The following POU6F2 variants were observed in gnomAD, a reference collection of about 807,000 sequenced individuals.
The protein encoded by POU6F2 is POU class 6 homeobox 2.
Under a neutral mutation model 71.3 loss-of-function variants are expected in POU6F2, and 31 were observed. The observed-to-expected ratio is 0.43, with a 90% confidence interval of 0.33 to 0.59. POU6F2 has a LOEUF of 0.59. POU6F2 is among the 20% of genes least tolerant of loss of function. The pLI is 0.04. For missense variants in POU6F2, 783 were observed against 856.8 expected (o/e 0.91, Z 1.07); for synonymous variants, 347 against 355.7 (o/e 0.98, Z 0.27).
rs1272970794 is a variant in POU6F2, at chr7:38,987,338, C to CT, written c.105+9283dup. 2.0e-5 allele frequency among the ~76,000 whole-genome samples: 3 copies of CT among 152,064 alleles called. No homozygotes were observed. In the East Asian group the frequency reaches 5.8e-4, roughly 29 times the overall value. ...GTCAGACACACTGTGACTTGAAAAC[C>CT]TTTATGTTTGCTCCAAGCCACCAAA... On this transcript the variant is annotated intron_variant, in intron 1 of 9. Transcript: ENST00000518318.
chr7:39,227,532 T>C (rs2128749412), intron 4 of POU6F2, among the ~76,000 whole-genome samples: 1 of 150,030 alleles, frequency 6.7e-6, no homozygotes, highest in Non-Finnish European at 1.5e-5. Context: ...GAATCTGAGG[T>C]ACCTCGTGAC....
chr7:39,436,974 G>T (rs540067174), intron 7 of POU6F2, among the ~76,000 whole-genome samples: 13 of 152,192 alleles, frequency 8.5e-5, no homozygotes, highest in Non-Finnish European at 1.6e-4. Context: ...GGATGAAGCC[G>T]ACTTGATCGT....
intron 5 of POU6F2, among the ~76,000 whole-genome samples, chr7:39,369,522 A>G (rs537830917): frequency 5.6e-4 from 85 of 151,764 alleles, no homozygotes; most frequent in Admixed American, 2.4e-3. Context: ...AACCATGCCC[A>G]GCTAATTTTT....
At chr7:39,417,539 C>G (rs530332181) in intron 6 of POU6F2, among the ~76,000 whole-genome samples, 9 of 152,122 alleles carry the variant, frequency 5.9e-5, no homozygotes, top group Non-Finnish European at 1.2e-4. Context: ...AAGATGTCAT[C>G]AGGTGGAGGG....
In POU6F2 at chr7:39,015,828, T is replaced by C. The variant is rs868616453; in HGVS notation, c.105+37770T>C. On this transcript the variant is annotated intron_variant, in intron 1 of 9. Coordinates refer to ENST00000518318, the MANE Select transcript of POU6F2 (RefSeq NM_001370959.1). ...ATATTATATAGGTATATATTATATA[T>C]AGATATATAATATATTATATATAGA... Among the ~76,000 whole-genome samples, 3 of 62,186 alleles carry C rather than the reference T, an allele frequency of 4.8e-5. 1 individual carries two copies. The highest frequency in any genetic ancestry group is 9.1e-5 in the Non-Finnish European group (3 of 33,036). The allele number at this position is 62,186 out of a possible 152,430, so 40.8% of individuals were successfully genotyped here.
intron 4 of POU6F2, among the ~76,000 whole-genome samples, chr7:39,302,638 AT>A (rs1292727821): frequency 1.3e-5 from 2 of 152,232 alleles, no homozygotes; most frequent in Non-Finnish European, 2.9e-5. Flanking sequence ...CAATAAGTAC[AT>A]TTGTCTTGAC....
chr7:39,039,508 C>G (rs1472338085), intron 1 of POU6F2, among the ~76,000 whole-genome samples: 1 of 151,818 alleles, frequency 6.6e-6, no homozygotes, highest in Admixed American at 6.6e-5. Context: ...TTTCTTTACT[C>G]TCTCACTATA....
intron 7 of POU6F2, among the ~76,000 whole-genome samples, chr7:39,434,124 T>C (rs1015165611): frequency 6.6e-6 from 1 of 152,078 alleles, no homozygotes; most frequent in African/African-American, 2.4e-5. Flanking sequence ...CCAGAGATAA[T>C]GGCTTGGGAA....
rs188801014 is a variant in POU6F2, at chr7:39,143,092, C to G, written c.277+57061C>G. ...TTTTTTCTGAAGAAAATCTCAAGAT[C>G]AGAAGTAGCTGTGGCATAGAGAAGT... On this transcript the variant is annotated intron_variant, in intron 2 of 9. Coordinates refer to ENST00000518318, the MANE Select transcript of POU6F2 (RefSeq NM_001370959.1). 4.7e-3 allele frequency among the ~76,000 whole-genome samples: 713 copies of G among 152,256 alleles called. 8 individuals carry two copies. Among genetic ancestry groups the G allele is most frequent in the Non-Finnish European group, 8.2e-3 (555 of 68,024 alleles).
At chr7:39,117,242 G>A (rs1187909310) in intron 2 of POU6F2, among the ~76,000 whole-genome samples, 3 of 152,118 alleles carry the variant, frequency 2.0e-5, no homozygotes, top group Admixed American at 6.5e-5. Context: ...TTGGGGTGTC[G>A]AGCAAGGGAA....
intron 5 of POU6F2, among the ~76,000 whole-genome samples, chr7:39,348,390 C>T (rs1786070506): frequency 6.6e-6 from 1 of 152,242 alleles, no homozygotes; most frequent in South Asian, 2.1e-4. Context: ...GCATTGGCCT[C>T]ATGAGTTCAC....
chr7:39,424,707 G>A (rs555034272), intron 6 of POU6F2, among the ~76,000 whole-genome samples: 2 of 151,770 alleles, frequency 1.3e-5, no homozygotes, highest in African/African-American at 4.8e-5. Flanking sequence ...CCTAAAGCTC[G>A]AGTGGAAACC....
At chr7:39,109,996 C>T (rs1393893324) in intron 2 of POU6F2, among the ~76,000 whole-genome samples, 4 of 152,116 alleles carry the variant, frequency 2.6e-5, no homozygotes, top group South Asian at 2.1e-4. Flanking sequence ...ATTGGCTGGG[C>T]GCGGAGGCTC....
chr7:39,078,656 C>T (rs778718676), intron 1 of POU6F2, among the ~76,000 whole-genome samples: 3 of 152,152 alleles, frequency 2.0e-5, no homozygotes, highest in Non-Finnish European at 4.4e-5. Context: ...GCGGAGCTCA[C>T]GGGTCAGCAA....
intron 8 of POU6F2, among the ~76,000 whole-genome samples, chr7:39,456,509 C>G (rs1448428976): frequency 6.6e-6 from 1 of 152,158 alleles, no homozygotes; most frequent in Non-Finnish European, 1.5e-5. Flanking sequence ...TTGATGAATT[C>G]AAAACATCTT....
chr7:39,460,702 T>G lies in POU6F2; in HGVS notation c.1645T>G (p.Ser549Ala), dbSNP rs750528689. 2 of 1,601,776 alleles carry G rather than the reference T, an allele frequency of 1.2e-6. No homozygotes were observed. Among genetic ancestry groups the G allele is most frequent in the South Asian group, 2.2e-5 (2 of 89,170 alleles). The change falls in exon 9 of 10, where the codon TCG becomes GCG. Residue 549 changes from serine to alanine, a missense_variant. Transcript: ENST00000518318. This position sits in a 1 kb window ranked among gnomAD's most constrained non-coding sequence, Gnocchi z 4.4. ...TACAGAGGGCCCCGCGTACAGCCAG[T>G]CGGCCATCTGCAGGTAACGCGCGCC... ...SATEGPAYSQ[S>A]AICRHTILRS... is the part of the protein sequence containing the mutation.
intron 5 of POU6F2, among the ~76,000 whole-genome samples, chr7:39,394,333 T>A (rs1787131975): frequency 1.3e-5 from 2 of 152,196 alleles, no homozygotes; most frequent in African/African-American, 4.8e-5. Context: ...TCCCTTTATA[T>A]AAAATAAATG....
At chr7:39,195,931 C>G (rs1409886118) in intron 2 of POU6F2, among the ~76,000 whole-genome samples, 1 of 152,184 alleles carries the variant, frequency 6.6e-6, no homozygotes, top group Non-Finnish European at 1.5e-5. Context: ...TCTTCTCTCT[C>G]TCTCTCCTCA....
At chr7:39,107,667 A>G (rs1237311663) in intron 2 of POU6F2, among the ~76,000 whole-genome samples, 2 of 152,152 alleles carry the variant, frequency 1.3e-5, no homozygotes, top group African/African-American at 4.8e-5. Context: ...CACAAGGGAT[A>G]GTGGAACCAC....
Sources: gnomAD v4.1 joint callset for allele counts (sites outside exome capture counted in the v4.1 genomes callset) on GRCh38, gnomAD v4.1.1 for gene constraint, Gnocchi (gnomAD v3.1) non-coding constraint, MANE v1.5 for transcripts, NCBI Gene and HGNC (gene_info 2026-07-23, HGNC 2026-07-21) for gene names.